The following BBS9 variants were observed in gnomAD, a reference collection of about 807,000 sequenced individuals.
BBS9 encodes the protein protein PTHB1.
BBS9 carries 89 observed loss-of-function variants against 117.7 expected under a neutral mutation model. That is an observed-to-expected ratio of 0.76 (90% confidence interval 0.64 to 0.90). The LOEUF is 0.90. BBS9 is among the 40% of genes least tolerant of loss of function. The pLI is 0.00. For synonymous variants in BBS9, 379 were observed against 370.9 expected (o/e 1.02, Z -0.25); for missense variants, 982 against 1,042.2 (o/e 0.94, Z 0.80).
chr7:33,412,550 A>G (rs962186983), intron 19 of BBS9, among the ~76,000 whole-genome samples: 9 of 152,212 alleles, frequency 5.9e-5, no homozygotes, highest in African/African-American at 2.2e-4. Flanking sequence ...CCTGGAGTTC[A>G]GCAGTCATTG....
intron 19 of BBS9, among the ~76,000 whole-genome samples, chr7:33,405,092 A>G (rs1367835113): frequency 2.6e-5 from 4 of 152,296 alleles, no homozygotes; most frequent in African/African-American, 7.2e-5. Flanking sequence ...TTCTGCATCT[A>G]TTGAGATAAT....
At chr7:33,558,861 A>C (rs971443782) in intron 21 of BBS9, among the ~76,000 whole-genome samples, 16 of 152,232 alleles carry the variant, frequency 1.1e-4, no homozygotes, top group Non-Finnish European at 1.8e-4. Flanking sequence ...AATAATTTAG[A>C]GAATGAAATC....
intron 19 of BBS9, among the ~76,000 whole-genome samples, chr7:33,405,286 G>T (rs1230267320): frequency 1.3e-5 from 2 of 152,148 alleles, no homozygotes; most frequent in South Asian, 2.1e-4. Context: ...GTTCATCAAG[G>T]ATATTGGTCT....
intron 19 of BBS9, among the ~76,000 whole-genome samples, chr7:33,421,039 A>G (rs984590046): frequency 5.9e-5 from 9 of 152,236 alleles, no homozygotes; most frequent in African/African-American, 2.2e-4. Flanking sequence ...AACTTCATGC[A>G]GAATGTTGAC....
chr7:33,349,176 T>C lies in BBS9; in HGVS notation c.1432+6T>C. On this transcript the variant is annotated splice_donor_region_variant and intron_variant, in intron 13 of 22. Transcript: ENST00000242067. ...GTTCACCTTTGAATTTATGAGTAAG[T>C]TTTTTGTTTTGGCTGAAAGTCTACC... The C allele has an allele frequency of 6.3e-7, 1 of 1,599,490 alleles. No individual in the cohort carries two copies. Among genetic ancestry groups the C allele is most frequent in the Non-Finnish European group, 8.6e-7 (1 of 1,167,084 alleles).
intron 9 of BBS9, among the ~76,000 whole-genome samples, chr7:33,295,557 T>C (rs1422478086): frequency 1.1e-4 from 16 of 151,904 alleles, no homozygotes; most frequent in Admixed American, 1.0e-3. Flanking sequence ...TTAAAAAAAA[T>C]AGTCTATTAT....
chr7:33,381,430 A>T (rs961490862), intron 17 of BBS9, among the ~76,000 whole-genome samples: 5 of 152,142 alleles, frequency 3.3e-5, no homozygotes, highest in Admixed American at 1.3e-4. Context: ...TCTTGCACTG[A>T]GTTACGTAAA....
rs771892657 is a variant in BBS9, at chr7:33,201,394, TA to T, written c.442+23804del. ...ATTGTTAATTTTTTTTTCTTTCCGT[TA>T]TTATTCCAATTTTAGTATATGTGCT... On this transcript the variant is annotated intron_variant, in intron 5 of 22. Transcript: ENST00000242067. Among the ~76,000 whole-genome samples, 164 of 152,166 alleles carry T rather than the reference TA, an allele frequency of 1.1e-3. 3 individuals are homozygous for T. The highest frequency in any genetic ancestry group is 3.4e-4 in the Non-Finnish European group (23 of 68,042).
At chr7:33,486,284 T>C (rs1248474437) in intron 19 of BBS9, among the ~76,000 whole-genome samples, 2 of 152,186 alleles carry the variant, frequency 1.3e-5, no homozygotes, top group East Asian at 3.9e-4. Flanking sequence ...GGGCTGTCAA[T>C]GGCCTCCTGA....
chr7:33,306,003 G>GT (rs1807852090), intron 9 of BBS9, among the ~76,000 whole-genome samples: 1 of 151,578 alleles, frequency 6.6e-6, no homozygotes. Flanking sequence ...GAGGTTTGAG[G>GT]TTTTTCTACT....
Position 33,335,412 on chromosome 7 carries a change from T to TAA in BBS9, c.1017-1021_1017-1020dup, listed in dbSNP as rs566341890. On this transcript the variant is annotated intron_variant, in intron 9 of 22. Coordinates refer to ENST00000242067, the MANE Select transcript of BBS9 (RefSeq NM_198428.3). Reference sequence around the variant, plus strand: ...CTTTAGAACCAAGTAGAAAATACTTTAAAAAAAAATCAAAAGTTTCTGTAG... The same window carrying TAA: ...CTTTAGAACCAAGTAGAAAATACTTTAAAAAAAAAAATCAAAAGTTTCTGTAG... 3.0e-3 allele frequency among the ~76,000 whole-genome samples: 452 copies of TAA among 151,524 alleles called. 4 individuals are homozygous for TAA. The highest frequency in any genetic ancestry group is 0.01 in the African/African-American group (429 of 41,372).
intron 13 of BBS9, among the ~76,000 whole-genome samples, chr7:33,350,863 T>G (rs1374877988): frequency 2.6e-5 from 4 of 152,184 alleles, no homozygotes; most frequent in Non-Finnish European, 5.9e-5. Flanking sequence ...AGCTAATTTT[T>G]TTGTATTTTT....
At chr7:33,327,985 ATGT>A (rs1381008968) in intron 9 of BBS9, among the ~76,000 whole-genome samples, 1 of 152,146 alleles carries the variant, frequency 6.6e-6, no homozygotes, top group East Asian at 1.9e-4. Context: ...ATGGGTAGCC[ATGT>A]TGAGCTTTAG....
intron 19 of BBS9, among the ~76,000 whole-genome samples, chr7:33,396,264 T>C (rs1827940255): frequency 6.6e-6 from 1 of 152,186 alleles, no homozygotes; most frequent in African/African-American, 2.4e-5. Flanking sequence ...ACCAGCTTTC[T>C]AGTTGGAAAG....
chr7:33,310,501 T>C (rs1293604361), intron 9 of BBS9, among the ~76,000 whole-genome samples: 1 of 152,166 alleles, frequency 6.6e-6, no homozygotes, highest in African/African-American at 2.4e-5. Context: ...CAATATAATA[T>C]TCATCCAAAT....
intron 9 of BBS9, among the ~76,000 whole-genome samples, chr7:33,290,060 T>C (rs557560873): frequency 6.7e-6 from 1 of 150,244 alleles, no homozygotes; most frequent in Admixed American, 6.6e-5. Flanking sequence ...AAAAAAAAAA[T>C]TTTTTTAGAA....
At chr7:33,516,998 C>T (rs1340415929) in intron 20 of BBS9, among the ~76,000 whole-genome samples, 1 of 152,218 alleles carries the variant, frequency 6.6e-6, no homozygotes, top group African/African-American at 2.4e-5. Flanking sequence ...AAAAATCTAG[C>T]TTGTATTGTT....
At chr7:33,617,367 G>A (rs1865192577) in intron 21 of BBS9, among the ~76,000 whole-genome samples, 1 of 152,110 alleles carries the variant, frequency 6.6e-6, no homozygotes. Flanking sequence ...GAGAAAGTAA[G>A]TTATCAGGGA....
chr7:33,492,990 CTTCT>C (rs139111137), intron 19 of BBS9, among the ~76,000 whole-genome samples: 6,666 of 151,754 alleles, frequency 0.044, 186 homozygotes, highest in East Asian at 0.13. Flanking sequence ...TAGTCTTCTT[CTTCT>C]TTCTTCTTTC....
Sources: gnomAD v4.1 joint callset for allele counts (sites outside exome capture counted in the v4.1 genomes callset) on GRCh38, gnomAD v4.1.1 for gene constraint, MANE v1.5 for transcripts, NCBI Gene and HGNC (gene_info 2026-07-23, HGNC 2026-07-21) for gene names.